Variants in ZPBP observed in about 807,000 individuals in gnomAD.
ZPBP encodes zona pellucida binding protein.
Under a neutral mutation model 44.8 loss-of-function variants are expected in ZPBP, and 26 were observed. The observed-to-expected ratio is 0.58, with a 90% CI of 0.43 to 0.81. The LOEUF (loss-of-function observed/expected upper bound fraction) is 0.81. Among genes scored for constraint, ZPBP ranks in the 30% least tolerant of loss-of-function variants. ZPBP has a pLI of 0.00. For synonymous variants in ZPBP, 174 were observed against 153.2 expected (o/e 1.14, Z -1.00); for missense variants, 409 against 434.0 (o/e 0.94, Z 0.51).
chr7:50,073,357 A>T (rs1801939149), intron 3 of ZPBP, among the ~76,000 whole-genome samples: 1 of 152,056 alleles, frequency 6.6e-6, no homozygotes. Context: ...TACATGAAGG[A>T]GACAAAAGAA....
At chr7:50,056,337 T>C (rs1800935364) in intron 4 of ZPBP, 1 of 152,210 alleles carries the variant, frequency 6.6e-6, no homozygotes, top group African/African-American at 2.4e-5. Flanking sequence ...TCTTCTTTGA[T>C]TTTCAAAGAA....
Position 49,937,525 on chromosome 7 carries a change from G to A in ZPBP, c.*3C>T, listed in dbSNP as rs1356948192. 2 of 1,608,472 alleles carry A rather than the reference G, an allele frequency of 1.2e-6. No homozygotes were observed. Among genetic ancestry groups the A allele is most frequent in the Non-Finnish European group, 1.7e-6 (2 of 1,175,098 alleles). On this transcript the variant is annotated 3_prime_UTR_variant, in exon 8 of 8. Coordinates refer to ENST00000046087, the MANE Select transcript of ZPBP (RefSeq NM_007009.3). ...AAACCACTGAATAACTGAAGATAAT[G>A]GCTTATAAGCACGTTTTTGCTCCAT...
At chr7:49,904,736 ATTTT>A (rs5884134) in intron 1 of ZPBP, among the ~76,000 whole-genome samples, 1 of 139,010 alleles carries the variant, frequency 7.2e-6, no homozygotes, top group African/African-American at 2.7e-5. Flanking sequence ...GCATATATTA[ATTTT>A]TTTTTTTTTT....
At chr7:49,903,595 A>C (rs1792898264) in intron 1 of ZPBP, among the ~76,000 whole-genome samples, 1 of 152,252 alleles carries the variant, frequency 6.6e-6, no homozygotes, top group Non-Finnish European at 1.5e-5. Flanking sequence ...TGGTGGGGCC[A>C]GAGAAGGTGC....
intron 2 of ZPBP, among the ~76,000 whole-genome samples, chr7:49,899,963 C>T (rs965265256): frequency 6.6e-6 from 1 of 151,760 alleles, no homozygotes; most frequent in African/African-American, 2.4e-5. Context: ...GGAAATCATA[C>T]AATAGCTGCT....
At chr7:49,936,842 G>A (rs991942503), downstream of ZPBP, among the ~76,000 whole-genome samples, 1 of 152,036 alleles carries the variant, frequency 6.6e-6, no homozygotes, top group Admixed American at 6.6e-5. Flanking sequence ...TTTTCTAGAG[G>A]GGTTGTCAGG....
At chr7:50,002,754 C>G (rs1798152158) in intron 6 of ZPBP, among the ~76,000 whole-genome samples, 1 of 152,140 alleles carries the variant, frequency 6.6e-6, no homozygotes, top group Non-Finnish European at 1.5e-5. Context: ...CTGCTCAGAT[C>G]CTACTTTAGA....
chr7:49,879,886 G>A (rs1270210153), intron 2 of ZPBP, among the ~76,000 whole-genome samples: 1 of 151,638 alleles, frequency 6.6e-6, no homozygotes, highest in African/African-American at 2.4e-5. Flanking sequence ...TGGTTTTCTG[G>A]GTATGCAGTC....
At chr7:50,056,999 C>T (rs1375451436) in intron 4 of ZPBP, among the ~76,000 whole-genome samples, 2 of 152,024 alleles carry the variant, frequency 1.3e-5, no homozygotes, top group African/African-American at 4.8e-5. Flanking sequence ...TCCTGGCTAA[C>T]ACGGTGAAAC....
intron 3 of ZPBP, among the ~76,000 whole-genome samples, chr7:50,080,636 CAT>C (rs1199567606): frequency 5.7e-4 from 86 of 151,728 alleles, no homozygotes; most frequent in Non-Finnish European, 1.9e-4. Flanking sequence ...AAATGTAAAA[CAT>C]ATTTAAAACA....
At chr7:49,865,177 G>C (rs1462065719) in intron 2 of ZPBP, among the ~76,000 whole-genome samples, 1 of 152,196 alleles carries the variant, frequency 6.6e-6, no homozygotes, top group Non-Finnish European at 1.5e-5. Context: ...AGGAAGAGGA[G>C]GAAGAGAATG....
rs1295274895 is a variant in ZPBP, at chr7:49,886,828, C to A, written n.509+14290G>T. Among the ~76,000 whole-genome samples the A allele has an allele frequency of 5.3e-5, 8 of 152,126 alleles. No individual in the cohort carries two copies. The South Asian group carries it at 1.0e-3, about 20-fold the overall frequency. On this transcript the variant is annotated intron_variant and non_coding_transcript_variant, in intron 2 of 2. Transcript: ENST00000465922. ...ACTTTGGTGCTCCTCTGCTTTTAAT[C>A]AAAAATATTTAGCCTTTATTGCATA...
At chr7:49,920,981 T>C (rs909099485) in intron 1 of ZPBP, 5 of 152,232 alleles carry the variant, frequency 3.3e-5, no homozygotes, top group African/African-American at 1.2e-4. Flanking sequence ...TATGCTTTTA[T>C]AAATTATTTG....
chr7:50,068,826 A>T (rs140376379), intron 3 of ZPBP, among the ~76,000 whole-genome samples: 197 of 152,318 alleles, frequency 1.3e-3, no homozygotes, highest in African/African-American at 4.3e-3. Flanking sequence ...CCTCAGAGTT[A>T]AACGGAGTAT....
At chr7:50,008,210 T>C (rs1406961269) in intron 6 of ZPBP, among the ~76,000 whole-genome samples, 6 of 152,024 alleles carry the variant, frequency 3.9e-5, no homozygotes, top group Non-Finnish European at 7.4e-5. Context: ...CAAATATCAG[T>C]TGTTTTCCTA....
intron 1 of ZPBP, among the ~76,000 whole-genome samples, chr7:49,906,209 C>T (rs1467787868): frequency 6.6e-6 from 1 of 152,156 alleles, no homozygotes; most frequent in Non-Finnish European, 1.5e-5. Context: ...AATCCAAGAA[C>T]CCTCACTTGG....
chr7:49,946,765 C>G (rs1795121060), intron 7 of ZPBP, among the ~76,000 whole-genome samples: 1 of 152,118 alleles, frequency 6.6e-6, no homozygotes, highest in South Asian at 2.1e-4. Context: ...TTCTCTGTTA[C>G]CATCCCTTTG....
chr7:49,861,355 T>C (rs976438817), intron 2 of ZPBP, among the ~76,000 whole-genome samples: 2 of 152,236 alleles, frequency 1.3e-5, no homozygotes, highest in Non-Finnish European at 1.5e-5. Context: ...CTTTTTGTTG[T>C]TGAGGTTTAA....
intron 7 of ZPBP, among the ~76,000 whole-genome samples, chr7:49,968,280 G>T (rs1198412111): frequency 1.8e-4 from 27 of 151,906 alleles, no homozygotes; most frequent in Non-Finnish European, 3.4e-4. Context: ...ATAAATAAAA[G>T]GACAGATATA....
Sources: allele counts gnomAD v4.1 joint callset (sites outside exome capture counted in the v4.1 genomes callset), GRCh38; gene constraint gnomAD v4.1.1; transcripts MANE v1.5; gene names NCBI Gene and HGNC (gene_info 2026-07-23, HGNC 2026-07-21).